Variants in HTR3A observed in about 807,000 individuals in gnomAD.
HTR3A encodes 5-hydroxytryptamine (serotonin) receptor 3A, ionotropic.
In HTR3A, 45 loss-of-function variants were observed where a neutral mutation model predicts 54.8. The observed-to-expected ratio is 0.82, with a 90% CI of 0.65 to 1.05. The LOEUF (loss-of-function observed/expected upper bound fraction) is 1.05, where lower values mean the gene tolerates loss of function less well. HTR3A is among the 50% of genes least tolerant of loss of function. The pLI is 0.00. For synonymous variants in HTR3A, 297 were observed against 256.0 expected, an observed-to-expected ratio of 1.16 and a Z score of -1.53; for missense variants, 657 against 614.0, an observed-to-expected ratio of 1.07 and a Z score of -0.74.
chr11:113,979,855 T>C (rs1476476424), intron 3 of HTR3A, among the ~76,000 whole-genome samples: 9 of 151,930 alleles, frequency 5.9e-5, no homozygotes, highest in Admixed American at 5.9e-4. Context: ...CCTGGGGTTG[T>C]TGGGAAGTCA....
Position 113,977,961 on chromosome 11 carries a change from TG to T in HTR3A, c.219+44del, listed in dbSNP as rs770295149. 5 of 1,613,610 alleles carry T rather than the reference TG, an allele frequency of 3.1e-6. No individual in the cohort carries two copies. The Admixed American group carries it at 6.7e-5, about 22-fold the overall frequency. ...CCGAGCTGCACACAGGCAGACCTTT[TG>T]GGGGTGGGAGAAGGCCATGTGAGAC... On this transcript the variant is annotated intron_variant, in intron 2 of 8. Transcript: ENST00000504030.
chr11:113,989,825 G>C lies in HTR3A; in HGVS notation c.*62G>C. On this transcript the variant is annotated 3_prime_UTR_variant, in exon 9 of 9. Coordinates refer to ENST00000504030, the MANE Select transcript of HTR3A (RefSeq NM_000869.6). This position sits in a 1 kb window ranked among gnomAD's most constrained non-coding sequence, Gnocchi z 4.4. ...GGTTAGGTGGGGACAGAGGATTTCT[G>C]CTTAGGCCCCTCAGGACCCAGGGAA... 6.4e-7 allele frequency: 1 copy of C among 1,560,352 alleles called. No individual in the cohort carries two copies. Among genetic ancestry groups the C allele is most frequent in the Non-Finnish European group, 8.7e-7 (1 of 1,143,674 alleles).
rs1301815570 is a variant in HTR3A, at chr11:113,975,409, AAGC to A, written c.67+23_67+25del. ...AGGGAGAAGGTAAGCAGACTTCGGGAAGCAGCAGGACTTGGCTGACCATCTGCT... is the reference window on the plus strand; with the variant it reads ...AGGGAGAAGGTAAGCAGACTTCGGGAAGCAGGACTTGGCTGACCATCTGCT... On this transcript the variant is annotated intron_variant, in intron 1 of 8. Transcript: ENST00000504030. 1.2e-6 allele frequency: 2 copies of A among 1,605,952 alleles called. No homozygotes were observed. Among genetic ancestry groups the A allele is most frequent in the South Asian group, 2.2e-5 (2 of 90,882 alleles).
intron 4 of HTR3A, 127 bp from the exon 5 acceptor site, chr11:113,982,993 T>C (rs748340940): frequency 1.9e-6 from 2 of 1,074,036 alleles, no homozygotes; most frequent in Non-Finnish European, 2.8e-6. Flanking sequence ...AGGCAAAACA[T>C]CCAGGTTATC....
chr11:113,986,774 C>T (rs765098348), intron 7 of HTR3A, 46 bp downstream of exon 7: 18 of 1,614,112 alleles, frequency 1.1e-5, no homozygotes, highest in Non-Finnish European at 1.3e-5. Context: ...GAGAAACCCG[C>T]CCCCTCCCAC....
chr11:113,979,614 A>G (rs1411595206), intron 3 of HTR3A, among the ~76,000 whole-genome samples: 4 of 152,106 alleles, frequency 2.6e-5, no homozygotes, highest in Admixed American at 6.5e-5. Context: ...TCTTCCTTCT[A>G]TTCAGCCAAA....
At position 113,982,489 on chromosome 11, in the gene HTR3A, C is replaced by T. The variant is rs116701557; in HGVS notation, c.375-631C>T. Among the ~76,000 whole-genome samples the T allele has an allele frequency of 2.9e-3, 444 of 152,354 alleles. 1 individual carries two copies. Among genetic ancestry groups the T allele is most frequent in the African/African-American group, 0.01 (433 of 41,584 alleles). On this transcript the variant is annotated intron_variant, in intron 4 of 8. Transcript: ENST00000504030. ...CTTCTCATCTCTCAGCATGAACTCA[C>T]AGAAGGCTGAGGGCTCAGCCTACTC... is the stretch of plus-strand genomic sequence containing the variant.
At chr11:113,979,830 C>T (rs936278385) in intron 3 of HTR3A, among the ~76,000 whole-genome samples, 1 of 152,044 alleles carries the variant, frequency 6.6e-6, no homozygotes, top group East Asian at 1.9e-4. Context: ...ATCCAAGGGT[C>T]CTGCTCTGGA....
In HTR3A at chr11:113,986,017, C is replaced by T. The variant is rs780257359; in HGVS notation, c.547C>T (p.Gln183Ter). The T allele has an allele frequency of 1.2e-6, 2 of 1,614,084 alleles. No individual in the cohort carries two copies. Among genetic ancestry groups the T allele is most frequent in the Non-Finnish European group, 1.7e-6 (2 of 1,180,026 alleles). ...LTFTSWLHTI[Q>*]DINISLWRLP... ...TGGCTTGCTTTATTCTCTCTCAGTC[C>T]AGGACATCAACATCTCTTTGTGGCG... The change falls in exon 6 of 9, where the codon CAG (glutamine) becomes TAG (stop). Residue 183 changes from glutamine (Q) to a stop codon, truncating the protein, a stop_gained and splice_region_variant. Transcript: ENST00000504030. LOFTEE classifies it high-confidence loss of function.
chr11:113,975,681 G>A (rs1440051499), intron 1 of HTR3A, among the ~76,000 whole-genome samples: 1 of 152,134 alleles, frequency 6.6e-6, no homozygotes, highest in Non-Finnish European at 1.5e-5. Flanking sequence ...ACCAGGAGGG[G>A]GCTCCTCTCC....
At chr11:113,977,133 C>T (rs1204343089) in intron 1 of HTR3A, among the ~76,000 whole-genome samples, 1 of 152,152 alleles carries the variant, frequency 6.6e-6, no homozygotes, top group African/African-American at 2.4e-5. Flanking sequence ...ACTGGGCCAG[C>T]CCTCCACCCA....
At chr11:113,980,822 A>G (rs1361372515) in intron 3 of HTR3A, among the ~76,000 whole-genome samples, 6 of 152,242 alleles carry the variant, frequency 3.9e-5, no homozygotes, top group African/African-American at 7.2e-5. Context: ...ATATTAATGA[A>G]AACTTAACAA....
At chr11:113,986,495 C>T (rs1950492680) in intron 6 of HTR3A, 23 bp from the exon 7 acceptor site, 2 of 1,610,712 alleles carry the variant, frequency 1.2e-6, no homozygotes. Flanking sequence ...CCAGGCTTCC[C>T]ACAAGCTCTT....
Position 113,983,191 on chromosome 11 carries a change from A to G in HTR3A, c.446A>G (p.Lys149Arg), listed in dbSNP as rs1388203361. ...IRHQGEVQNY[K>R]PLQVVTACSL... The stretch of plus-strand genomic sequence containing the variant: ...CATCAAGGCGAAGTTCAGAACTACA[A>G]GCCCCTTCAGGTGGTGACTGCCTGT... Residue 149 changes from lysine to arginine, a missense_variant, in exon 5 of 9, where the codon AAG (lysine) becomes AGG (arginine). Physicochemically the swap from Lys to Arg is conservative, Grantham distance 26 (BLOSUM62 2). Transcript: ENST00000504030. The G allele has an allele frequency of 1.2e-6, 2 of 1,614,210 alleles. No homozygotes were observed. The highest frequency in any genetic ancestry group is 4.5e-5 in the East Asian group (2 of 44,884).
At chr11:113,976,481 G>A (rs1950352151) in intron 1 of HTR3A, among the ~76,000 whole-genome samples, 1 of 151,804 alleles carries the variant, frequency 6.6e-6, no homozygotes, top group Admixed American at 6.6e-5. Flanking sequence ...GGATCCTTGT[G>A]TGCAAATAGC....
chr11:113,978,578 C>T (rs1274536419), intron 2 of HTR3A, among the ~76,000 whole-genome samples: 3 of 152,184 alleles, frequency 2.0e-5, no homozygotes, highest in African/African-American at 7.2e-5. Flanking sequence ...TCCATATTGG[C>T]CAGGCAGGTC....
chr11:113,977,689 T>G, intron 1 of HTR3A, 82 bp from the exon 2 acceptor site: 1 of 1,556,168 alleles, frequency 6.4e-7, no homozygotes, highest in South Asian at 1.2e-5. Flanking sequence ...TACGTCTCTT[T>G]TAACAGCTTA....
At chr11:113,981,563 T>G (rs1315834268) in intron 4 of HTR3A, among the ~76,000 whole-genome samples, 1 of 152,040 alleles carries the variant, frequency 6.6e-6, no homozygotes, top group African/African-American at 2.4e-5. Flanking sequence ...CAGGGGCCCC[T>G]GCCACAGGGA....
chr11:113,977,816 C>G lies in HTR3A; in HGVS notation c.113C>G (p.Ser38Trp). The G allele has an allele frequency of 6.2e-7, 1 of 1,614,104 alleles. No homozygotes were observed. Among genetic ancestry groups the G allele is most frequent in the South Asian group, 1.1e-5 (1 of 91,080 alleles). Residue 38 changes from serine to tryptophan, a missense_variant, in exon 2 of 9, where the codon TCG (serine) becomes TGG (tryptophan). Ser to Trp is a radical substitution (Grantham distance 177). Transcript: ENST00000504030. ...NTTRPALLRL[S>W]DYLLTNYRKG... ...ACCAGGCCCGCTCTGCTGAGGCTGT[C>G]GGATTACCTTTTGACCAACTACAGG...
Sources: allele counts gnomAD v4.1 joint callset (sites outside exome capture counted in the v4.1 genomes callset), GRCh38; gene constraint gnomAD v4.1.1; non-coding constraint Gnocchi (gnomAD v3.1); transcripts MANE v1.5; gene names NCBI Gene and HGNC (gene_info 2026-07-23, HGNC 2026-07-21).